The following CPQ variants were observed in gnomAD, a reference collection of about 807,000 sequenced individuals.
The protein encoded by CPQ is carboxypeptidase Q, also known as Ser-Met dipeptidase.
A neutral mutation model predicts 45.7 loss-of-function variants in CPQ; 37 were observed. That is an observed-to-expected ratio of 0.81 (90% CI 0.62 to 1.07). The LOEUF (loss-of-function observed/expected upper bound fraction) is 1.07. Ranked by LOEUF, CPQ falls within the 50% of genes least tolerant of loss-of-function variation. The pLI is 0.00. For missense variants in CPQ, 537 were observed against 572.9 expected (o/e 0.94, Z 0.64); for synonymous variants, 186 against 205.8 (o/e 0.90, Z 0.82).
At chr8:96,946,546 C>G (rs1370542212) in intron 4 of CPQ, among the ~76,000 whole-genome samples, 1 of 151,904 alleles carries the variant, frequency 6.6e-6, no homozygotes, top group Non-Finnish European at 1.5e-5. Flanking sequence ...GTGCGCTGCA[C>G]CCACTAACTC....
At chr8:96,870,994 C>G (rs146973369) in intron 3 of CPQ, among the ~76,000 whole-genome samples, 2 of 152,112 alleles carry the variant, frequency 1.3e-5, no homozygotes, top group African/African-American at 4.8e-5. Context: ...GTCATCCATT[C>G]TTATTTCATG....
intron 7 of CPQ, among the ~76,000 whole-genome samples, chr8:97,099,343 C>T (rs969025089): frequency 2.6e-5 from 4 of 151,748 alleles, no homozygotes; most frequent in Admixed American, 2.6e-4. Flanking sequence ...GTTGGCCAGG[C>T]TGGTCTCGAA....
intron 1 of CPQ, among the ~76,000 whole-genome samples, chr8:96,678,666 A>T (rs953130043): frequency 4.0e-5 from 6 of 148,968 alleles, no homozygotes; most frequent in Non-Finnish European, 7.4e-5. Context: ...GATGCAAAGC[A>T]TTTTTTCATA....
chr8:96,873,643 G>T (rs1419928698), intron 3 of CPQ, among the ~76,000 whole-genome samples: 1 of 151,576 alleles, frequency 6.6e-6, no homozygotes, highest in Non-Finnish European at 1.5e-5. Flanking sequence ...GGAAACAAAA[G>T]ACTATACCTT....
intron 4 of CPQ, among the ~76,000 whole-genome samples, chr8:96,901,000 C>T (rs1243660237): frequency 6.6e-6 from 1 of 152,144 alleles, no homozygotes. Context: ...TCTTCTCCAT[C>T]TTTTCAGTGG....
intron 3 of CPQ, among the ~76,000 whole-genome samples, chr8:96,873,436 A>G (rs1812104806): frequency 6.6e-6 from 1 of 151,290 alleles, no homozygotes; most frequent in South Asian, 2.1e-4. Flanking sequence ...TCTGAGATGG[A>G]TTTTCTCTTA....
intron 5 of CPQ, among the ~76,000 whole-genome samples, chr8:96,999,648 CAT>C (rs1267595712): frequency 6.6e-6 from 1 of 152,030 alleles, no homozygotes; most frequent in Non-Finnish European, 1.5e-5. Flanking sequence ...CATTGATGGG[CAT>C]TTAAGTTGAT....
chr8:96,805,194 A>G (rs1031852154), intron 2 of CPQ, among the ~76,000 whole-genome samples: 1 of 152,256 alleles, frequency 6.6e-6, no homozygotes, highest in Non-Finnish European at 1.5e-5. Flanking sequence ...AAAGAAAAGC[A>G]CAATTAGGAA....
intron 1 of CPQ, among the ~76,000 whole-genome samples, chr8:96,772,837 T>C (rs1350051486): frequency 6.6e-6 from 1 of 152,196 alleles, no homozygotes; most frequent in Non-Finnish European, 1.5e-5. Flanking sequence ...CAAGTAGTGA[T>C]TTTTAACTAT....
chr8:96,812,177 T>C (rs1811168237), intron 2 of CPQ, among the ~76,000 whole-genome samples: 1 of 152,182 alleles, frequency 6.6e-6, no homozygotes, highest in Admixed American at 6.5e-5. Context: ...GATAGCTTTT[T>C]TGCACAAGTT....
intron 5 of CPQ, among the ~76,000 whole-genome samples, chr8:97,022,597 A>G (rs1453258910): frequency 6.6e-6 from 1 of 152,186 alleles, no homozygotes; most frequent in Non-Finnish European, 1.5e-5. Flanking sequence ...TCAAAAGAAG[A>G]TATACAAATG....
chr8:96,743,881 C>T (rs1050314837), intron 1 of CPQ, among the ~76,000 whole-genome samples: 1 of 152,260 alleles, frequency 6.6e-6, no homozygotes, highest in Non-Finnish European at 1.5e-5. Flanking sequence ...CTCTTCAAAG[C>T]TGTCAGACAG....
chr8:96,698,794 C>T (rs1416414441), intron 1 of CPQ, among the ~76,000 whole-genome samples: 2 of 152,132 alleles, frequency 1.3e-5, no homozygotes, highest in African/African-American at 2.4e-5. Flanking sequence ...CATCTCACCC[C>T]AGTTACAATG....
intron 1 of CPQ, among the ~76,000 whole-genome samples, chr8:96,754,185 A>G (rs891796453): frequency 3.9e-5 from 6 of 152,096 alleles, no homozygotes; most frequent in African/African-American, 1.4e-4. Context: ...ATTTCTTGAA[A>G]TGCATTCTAA....
At chr8:97,125,809 A>C (rs552215131) in intron 7 of CPQ, among the ~76,000 whole-genome samples, 2 of 152,348 alleles carry the variant, frequency 1.3e-5, no homozygotes, top group Non-Finnish European at 2.9e-5. Flanking sequence ...GGGGAATAAG[A>C]CAAAGATTCC....
At chr8:96,823,404 GT>G (rs540290060) in intron 2 of CPQ, among the ~76,000 whole-genome samples, 23 of 152,022 alleles carry the variant, frequency 1.5e-4, no homozygotes, top group African/African-American at 5.5e-4. Flanking sequence ...CAACTGGCTT[GT>G]TTTCCTATTA....
chr8:96,826,370 A>G (rs1811378783), intron 2 of CPQ, among the ~76,000 whole-genome samples: 1 of 152,080 alleles, frequency 6.6e-6, no homozygotes, highest in Non-Finnish European at 1.5e-5. Flanking sequence ...CTTTAAATTC[A>G]GAGCCCCTGA....
chr8:97,071,311 T>C (rs867822357), intron 7 of CPQ, among the ~76,000 whole-genome samples: 5 of 152,148 alleles, frequency 3.3e-5, no homozygotes, highest in South Asian at 2.1e-4. Context: ...AAAAGACAGA[T>C]AAGATCCATG....
chr8:96,677,356 T>C (rs1311181918), intron 1 of CPQ, among the ~76,000 whole-genome samples: 1 of 152,196 alleles, frequency 6.6e-6, no homozygotes. Flanking sequence ...GAATTTTTAA[T>C]TATGGTCATT....
Sources: gnomAD v4.1 joint callset for allele counts (sites outside exome capture counted in the v4.1 genomes callset) on GRCh38, gnomAD v4.1.1 for gene constraint, MANE v1.5 for transcripts, NCBI Gene and HGNC (gene_info 2026-07-23, HGNC 2026-07-21) for gene names.